Variants in TMLHE observed in about 807,000 individuals in gnomAD.
TMLHE encodes trimethyllysine dioxygenase, mitochondrial.
In TMLHE, 18 loss-of-function variants were observed where a neutral mutation model predicts 25.7. The ratio of observed to expected loss-of-function variants is 0.70; its 90% CI spans 0.48 to 1.04. TMLHE has a LOEUF of 1.04. Ranked by LOEUF, TMLHE falls within the 50% of genes least tolerant of loss-of-function variation. The probability of loss-of-function intolerance (pLI) is 0.00; values close to 1 mark genes in which losing one functional copy is unlikely to be tolerated. For missense variants in TMLHE, 236 were observed against 259.0 expected (o/e 0.91, Z 0.61); for synonymous variants, 105 against 97.0 (o/e 1.08, Z -0.49).
intron 1 of TMLHE, among the ~76,000 whole-genome samples, chrX:155,555,672 T>TCTG (rs782639952): frequency 9.0e-6 from 1 of 111,145 alleles, no homozygotes; most frequent in African/African-American, 3.3e-5. Flanking sequence ...TGCATAAATG[T>TCTG]CTTTTGAGAA....
In TMLHE at chrX:155,568,687, T is replaced by A. The variant is rs1393143508; in HGVS notation, c.-1-23410A>T. Among the ~76,000 whole-genome samples the A allele has an allele frequency of 3.3e-5, 2 of 61,532 alleles. 1 individual carries two copies. Among genetic ancestry groups the A allele is most frequent in the Non-Finnish European group, 9.1e-5 (2 of 22,031 alleles). The allele number at this position is 61,532 out of a possible 115,157, so 53.4% of individuals were successfully genotyped here. ...GCATTCGCGGTTCATGAAAATCCGC[T>A]GTTCTGCAGACACCGCTGCTGATAC... On this transcript the variant is annotated intron_variant, in intron 1 of 7. Transcript: ENST00000334398.
At chrX:155,548,674 G>C (rs2124423149) in intron 1 of TMLHE, among the ~76,000 whole-genome samples, 1 of 108,476 alleles carries the variant, frequency 9.2e-6, no homozygotes, top group African/African-American at 3.4e-5. Flanking sequence ...GGCAAAGGTT[G>C]CAGTGAGCTG....
At chrX:155,542,114 T>C (rs2067316385) in intron 2 of TMLHE, among the ~76,000 whole-genome samples, 1 of 111,448 alleles carries the variant, frequency 9.0e-6, no homozygotes, top group Admixed American at 9.6e-5. Context: ...CATGAAGTCT[T>C]TGCCCAAGCC....
intron 1 of TMLHE, among the ~76,000 whole-genome samples, chrX:155,547,350 T>C (rs868919959): frequency 1.8e-5 from 2 of 108,246 alleles, no homozygotes; most frequent in South Asian, 4.1e-4. Flanking sequence ...TTCACCGTGT[T>C]AGCCAGGATG....
rs5983733 is a variant in TMLHE at position 155,561,456 on chromosome X, G to C, written c.-1-16179C>G. 2.6e-3 allele frequency among the ~76,000 whole-genome samples: 161 copies of C among 60,893 alleles called. 14 individuals carry two copies. The highest frequency in any genetic ancestry group is 5.6e-3 in the African/African-American group (155 of 27,478). 52.9% of individuals were successfully genotyped at this position (60,893 alleles called of 115,157 possible). A position where few individuals can be genotyped will look rare whatever the true frequency, so the allele number is the denominator to read the frequency against. On this transcript the variant is annotated intron_variant, in intron 1 of 7. Transcript: ENST00000334398. ...GGGATTACAATTAGACATGAGACTT[G>C]GGTGGGGACATACAGCCAAACCATA... is the stretch of plus-strand genomic sequence containing the variant.
chrX:155,558,003 T>A (rs1249493399), intron 1 of TMLHE, among the ~76,000 whole-genome samples: 2 of 111,690 alleles, frequency 1.8e-5, no homozygotes, highest in Non-Finnish European at 3.8e-5. Flanking sequence ...CCCTTCAAAC[T>A]TTTTGCACAT....
intron 1 of TMLHE, among the ~76,000 whole-genome samples, chrX:155,552,375 T>C (rs1557340165): frequency 9.1e-6 from 1 of 110,241 alleles, no homozygotes; most frequent in African/African-American, 3.4e-5. Flanking sequence ...GGCTTTACTT[T>C]GTGAGATGGG....
chrX:155,585,416 AACACACACACAC>A (rs56160372), intron 1 of TMLHE, among the ~76,000 whole-genome samples: 4 of 96,635 alleles, frequency 4.1e-5, no homozygotes, highest in Admixed American at 1.1e-4. Flanking sequence ...CACACACACA[AACACACACACAC>A]ACACACACAC....
intron 2 of TMLHE, among the ~76,000 whole-genome samples, chrX:155,538,323 G>A (rs1280052062): frequency 1.8e-5 from 2 of 111,728 alleles, no homozygotes; most frequent in African/African-American, 6.5e-5. Flanking sequence ...TTATGGCTGA[G>A]TAGTATTACA....
At chrX:155,556,613 G>A (rs1488002025) in intron 1 of TMLHE, among the ~76,000 whole-genome samples, 2 of 109,315 alleles carry the variant, frequency 1.8e-5, no homozygotes, top group East Asian at 2.9e-4. Context: ...GCAAGTGGAG[G>A]CAGGGCGAGA....
chrX:155,557,505 T>G (rs1557341074), intron 1 of TMLHE, among the ~76,000 whole-genome samples: 1 of 112,085 alleles, frequency 8.9e-6, no homozygotes, highest in Non-Finnish European at 1.9e-5. Context: ...TGTATTACTT[T>G]TCAAAAATTC....
chrX:155,547,320 A>T (rs1265560233), intron 1 of TMLHE, among the ~76,000 whole-genome samples: 3 of 103,340 alleles, frequency 2.9e-5, no homozygotes, highest in African/African-American at 1.1e-4. Context: ...AATTTTTTGT[A>T]TTTTTAGTAG....
chrX:155,535,877 C>T, intron 2 of TMLHE, among the ~76,000 whole-genome samples: 1 of 112,175 alleles, frequency 8.9e-6, no homozygotes, highest in African/African-American at 3.2e-5. Flanking sequence ...GTGGCCCCGG[C>T]TAACCTCTGT....
chrX:155,550,699 A>T (rs1281088603), intron 1 of TMLHE, among the ~76,000 whole-genome samples: 1 of 110,572 alleles, frequency 9.0e-6, no homozygotes, highest in African/African-American at 3.3e-5. Flanking sequence ...AACTGGTGAG[A>T]CTTCAGACAA....
chrX:155,581,476 C>G (rs962886499), intron 1 of TMLHE, among the ~76,000 whole-genome samples: 3 of 111,945 alleles, frequency 2.7e-5, no homozygotes, highest in Non-Finnish European at 5.6e-5. Context: ...TCAGCAAAGT[C>G]TCAGGATACA....
intron 1 of TMLHE, chrX:155,611,603 A>T (rs2067822502): frequency 8.9e-6 from 1 of 111,756 alleles, no homozygotes; most frequent in Non-Finnish European, 1.9e-5. Context: ...AAGCCCCCAG[A>T]CTCAACCACC....
chrX:155,528,791 T>C (rs1557336792), intron 2 of TMLHE, among the ~76,000 whole-genome samples: 2 of 111,822 alleles, frequency 1.8e-5, no homozygotes, highest in East Asian at 5.6e-4. Context: ...GTGATGAACA[T>C]ACACAAACAG....
At chrX:155,528,459 G>A (rs1232207486) in intron 2 of TMLHE, among the ~76,000 whole-genome samples, 1 of 110,493 alleles carries the variant, frequency 9.1e-6, no homozygotes, top group Non-Finnish European at 1.9e-5. Flanking sequence ...AAACTGATAT[G>A]TAGTTTTTTA....
chrX:155,588,079 C>T (rs2067674903), intron 1 of TMLHE, among the ~76,000 whole-genome samples: 1 of 111,876 alleles, frequency 8.9e-6, no homozygotes, highest in Non-Finnish European at 1.9e-5. Context: ...GGAGGCATCA[C>T]ATTACCTGAC....
Sources: allele counts gnomAD v4.1 joint callset (sites outside exome capture counted in the v4.1 genomes callset), GRCh38; gene constraint gnomAD v4.1.1; transcripts MANE v1.5; gene names NCBI Gene and HGNC (gene_info 2026-07-23, HGNC 2026-07-21).